RMDN2: variants seen among roughly 807,000 people sequenced by gnomAD.
The protein encoded by RMDN2 is regulator of microtubule dynamics protein 2.
A neutral mutation model predicts 52.8 loss-of-function variants in RMDN2; 61 were observed. That is an observed-to-expected ratio of 1.16 (90% confidence interval 0.94 to 1.43). The LOEUF (loss-of-function observed/expected upper bound fraction) is 1.43. Ranked by LOEUF, RMDN2 falls within the 40% of genes most tolerant of loss-of-function variation. The pLI is 0.00. For missense variants in RMDN2, 592 were observed against 475.3 expected (o/e 1.25, Z -2.28); for synonymous variants, 180 against 153.1 (o/e 1.18, Z -1.30).
chr2:37,925,561 G>A (rs986112891), intron 1 of RMDN2, 136 bp downstream of exon 1: 1 of 152,294 alleles, frequency 6.6e-6, no homozygotes, highest in Non-Finnish European at 1.5e-5. Context: ...CGAAGCTTGA[G>A]CCTGCTAGCC....
At chr2:38,041,832 TA>T (rs773725284) in intron 10 of RMDN2, among the ~76,000 whole-genome samples, 10 of 152,324 alleles carry the variant, frequency 6.6e-5, no homozygotes, top group Admixed American at 2.0e-4. Flanking sequence ...TAGTTTTTTT[TA>T]TACAGTGTTA....
At chr2:38,046,838 C>T (rs1211948733) in intron 10 of RMDN2, among the ~76,000 whole-genome samples, 1 of 152,006 alleles carries the variant, frequency 6.6e-6, no homozygotes, top group African/African-American at 2.4e-5. Context: ...CAAAAATTAG[C>T]CAGGCCTAGT....
intron 10 of RMDN2, among the ~76,000 whole-genome samples, chr2:38,016,485 TA>T (rs1678802073): frequency 6.6e-6 from 1 of 152,222 alleles, no homozygotes; most frequent in Non-Finnish European, 1.5e-5. Flanking sequence ...ATTTATCCTT[TA>T]AACAACACCG....
downstream of RMDN2, among the ~76,000 whole-genome samples, chr2:38,019,105 T>C (rs2125253687): frequency 6.6e-6 from 1 of 152,366 alleles, no homozygotes; most frequent in Non-Finnish European, 1.5e-5. Context: ...CTCGTGGATA[T>C]GCTGAGAGGC....
At chr2:38,004,562 T>G (rs1043945060) in intron 10 of RMDN2, among the ~76,000 whole-genome samples, 2 of 152,118 alleles carry the variant, frequency 1.3e-5, no homozygotes, top group African/African-American at 4.8e-5. Context: ...TGCTGTCCTT[T>G]AAATCTCCAG....
chr2:37,960,928 T>G (rs1194177561), intron 2 of RMDN2, among the ~76,000 whole-genome samples: 1 of 152,222 alleles, frequency 6.6e-6, no homozygotes, highest in Non-Finnish European at 1.5e-5. Flanking sequence ...GTAAAGGATT[T>G]TATTTCTCCT....
At position 37,997,396 on chromosome 2, in the gene RMDN2, A is replaced by G. The variant is rs1558528550; in HGVS notation, c.946-20A>G. The G allele has an allele frequency of 6.6e-7, 1 of 1,512,878 alleles. No homozygotes were observed. Among genetic ancestry groups the G allele is most frequent in the Admixed American group, 1.7e-5 (1 of 59,834 alleles). 93.7% of individuals were successfully genotyped at this position (1,512,878 alleles called of 1,614,324 possible). A position where few individuals can be genotyped will look rare whatever the true frequency, so the allele number is the denominator to read the frequency against. ...AAAGGTGAACAACTTTCTAAGAGTGATGTTGTTGTGTATTTGCAGGTCTCA... is the reference window on the plus strand; with the variant it reads ...AAAGGTGAACAACTTTCTAAGAGTGGTGTTGTTGTGTATTTGCAGGTCTCA... On this transcript the variant is annotated intron_variant, in intron 7 of 10. Transcript: ENST00000354545.
At chr2:38,067,067 T>C in exon 11 of RMDN2, 1 of 1,402,798 alleles carries the variant, frequency 7.1e-7, no homozygotes, top group Non-Finnish European at 1.0e-6. Flanking sequence ...TGGAGAGTCA[T>C]GACCTAGGCC....
intron 7 of RMDN2, among the ~76,000 whole-genome samples, chr2:37,993,374 A>G (rs997445037): frequency 2.6e-5 from 4 of 152,348 alleles, no homozygotes; most frequent in South Asian, 2.1e-4. Context: ...TAATAAAGCA[A>G]GTATGAGCAA....
chr2:38,032,348 G>T (rs1307464658), intron 10 of RMDN2, among the ~76,000 whole-genome samples: 3 of 152,104 alleles, frequency 2.0e-5, no homozygotes, highest in Non-Finnish European at 2.9e-5. Context: ...TGGAATCATA[G>T]AATGTTAACT....
intron 2 of RMDN2, among the ~76,000 whole-genome samples, chr2:37,968,122 C>T (rs1368603714): frequency 2.6e-5 from 4 of 152,072 alleles, no homozygotes; most frequent in Non-Finnish European, 1.5e-5. Flanking sequence ...AAAGATATTT[C>T]AGAAAGTCTG....
At chr2:38,008,875 C>A (rs188781542) in intron 10 of RMDN2, among the ~76,000 whole-genome samples, 3 of 152,150 alleles carry the variant, frequency 2.0e-5, no homozygotes, top group African/African-American at 7.2e-5. Flanking sequence ...GTGCTTCCTT[C>A]AGGAGCTCTT....
intron 2 of RMDN2, among the ~76,000 whole-genome samples, chr2:37,935,981 T>C (rs1270757848): frequency 6.6e-6 from 1 of 152,188 alleles, no homozygotes; most frequent in African/African-American, 2.4e-5. Flanking sequence ...ACATGTGCCG[T>C]GGTGGTTTGC....
intron 5 of RMDN2, among the ~76,000 whole-genome samples, chr2:37,986,008 G>A (rs537479457): frequency 8.2e-4 from 125 of 152,296 alleles, no homozygotes; most frequent in Middle Eastern, 3.4e-3. Context: ...GGTGTGGCAT[G>A]TAAGGGAATT....
At chr2:38,007,875 G>C (rs557547728) in intron 10 of RMDN2, among the ~76,000 whole-genome samples, 2 of 151,964 alleles carry the variant, frequency 1.3e-5, no homozygotes, top group South Asian at 2.1e-4. Context: ...ACACTGCTTC[G>C]AATGTGTCCC....
At chr2:38,049,768 G>A (rs750671122) in intron 10 of RMDN2, among the ~76,000 whole-genome samples, 2 of 152,020 alleles carry the variant, frequency 1.3e-5, no homozygotes, top group Non-Finnish European at 2.9e-5. Context: ...TGGGGTCTTG[G>A]TATGTTGCCA....
Position 38,046,080 on chromosome 2 carries a change from C to T in RMDN2, c.1714-20902C>T, listed in dbSNP as rs372340326. ...AAAACTGCACACATACCCAAGGCTA[C>T]GCATCCACTCAGACCAGAGATGGCC... On this transcript the variant is annotated intron_variant, in intron 10 of 10. Transcript: ENST00000234195. Among the ~76,000 whole-genome samples, 73 of 152,322 alleles carry T rather than the reference C, an allele frequency of 4.8e-4. 4 individuals are homozygous for T. In the South Asian group the frequency reaches 0.013, roughly 28 times the overall value.
chr2:38,000,383 TAC>T (rs948420795), intron 8 of RMDN2, among the ~76,000 whole-genome samples: 2 of 152,234 alleles, frequency 1.3e-5, no homozygotes, highest in African/African-American at 4.8e-5. Flanking sequence ...ATTTTAAGTG[TAC>T]AGTTCAGTGA....
chr2:37,943,111 GC>G (rs2124933062), intron 2 of RMDN2, among the ~76,000 whole-genome samples: 1 of 152,346 alleles, frequency 6.6e-6, no homozygotes, highest in South Asian at 2.1e-4. Flanking sequence ...TCCCTGGAAA[GC>G]CGTTCGCGTT....
Sources: gnomAD v4.1 joint callset for allele counts (sites outside exome capture counted in the v4.1 genomes callset) on GRCh38, gnomAD v4.1.1 for gene constraint, MANE v1.5 for transcripts, NCBI Gene and HGNC (gene_info 2026-07-23, HGNC 2026-07-21) for gene names.